The following MIGA1 variants were observed in gnomAD, a reference collection of about 807,000 sequenced individuals.
The protein encoded by MIGA1 is family with sequence similarity 73, member A.
Under a neutral mutation model 82.0 loss-of-function variants are expected in MIGA1, and 58 were observed. The observed-to-expected ratio is 0.71, with a 90% CI of 0.57 to 0.88. The LOEUF (loss-of-function observed/expected upper bound fraction) is 0.88, where lower values mean the gene tolerates loss of function less well. Ranked by LOEUF, MIGA1 falls within the 40% of genes least tolerant of loss-of-function variation. The pLI is 0.00. For synonymous variants in MIGA1, 249 were observed against 253.6 expected (o/e 0.98, Z 0.17); for missense variants, 751 against 749.1 (o/e 1.00, Z -0.03).
rs759657713 is a variant in MIGA1 at position 77,783,251 on chromosome 1, C to T, written c.95C>T (p.Ala32Val). 27 of 1,586,078 alleles carry T rather than the reference C, an allele frequency of 1.7e-5. No homozygotes were observed. In the African/African-American group the frequency reaches 2.5e-4, roughly 15 times the overall value. Residue 32 changes from alanine to valine, a missense_variant, in exon 2 of 16, where the codon GCC (alanine) becomes GTC (valine). Physicochemically the swap from Ala to Val is moderately conservative, Grantham distance 64. Transcript: ENST00000370791. ...CATTTAATGAAGATTAGAAGAGGAG[C>T]CATGTCAGAAGAAACAGTAAGTGAA...
chr1:77,836,577 C>T (rs1469443650), intron 7 of MIGA1, among the ~76,000 whole-genome samples: 8 of 152,142 alleles, frequency 5.3e-5, no homozygotes, highest in African/African-American at 1.2e-4. Context: ...TTTATACTCA[C>T]GATGGACCAA....
chr1:77,803,422 A>T lies in MIGA1; in HGVS notation c.510+16A>T. On this transcript the variant is annotated intron_variant, in intron 4 of 15. Transcript: ENST00000370791. The stretch of plus-strand genomic sequence containing the variant: ...TTTGGCCTCTGTAAGTACAGAAAAA[A>T]TATTAATTTTTAAAATTTTTGTTTA... The T allele has an allele frequency of 6.5e-6, 9 of 1,380,124 alleles. No homozygotes were observed. Among genetic ancestry groups the T allele is most frequent in the Non-Finnish European group, 8.6e-6 (9 of 1,043,842 alleles). The allele number at this position is 1,380,124 out of a possible 1,614,324, so 85.5% of individuals were successfully genotyped here.
chr1:77,849,527 G>A (rs868867277), intron 8 of MIGA1, among the ~76,000 whole-genome samples: 3 of 151,966 alleles, frequency 2.0e-5, no homozygotes, highest in East Asian at 1.9e-4. Flanking sequence ...TACACTTTAC[G>A]TTCTGAAATT....
chr1:77,837,016 G>C lies in MIGA1; in HGVS notation c.896-6291G>C, dbSNP rs966753609. Among the ~76,000 whole-genome samples, 4 of 152,124 alleles carry C rather than the reference G, an allele frequency of 2.6e-5. No individual in the cohort carries two copies. The South Asian group carries it at 8.3e-4, about 32-fold the overall frequency. The stretch of plus-strand genomic sequence containing the variant: ...TCTGTGAAAGCACTTAGTATTACTT[G>C]GACACGTAATAGTGACTCAAAAACT... On this transcript the variant is annotated intron_variant, in intron 7 of 15. Coordinates refer to ENST00000370791, the MANE Select transcript of MIGA1 (RefSeq NM_198549.4).
chr1:77,840,811 A>T (rs1684601869), intron 7 of MIGA1, among the ~76,000 whole-genome samples: 1 of 151,936 alleles, frequency 6.6e-6, no homozygotes, highest in Non-Finnish European at 1.5e-5. Flanking sequence ...ATTCTGTCTC[A>T]AAATAAATAA....
chr1:77,875,992 G>C lies in MIGA1; in HGVS notation c.*928G>C, dbSNP rs1325200250. ...TACTAAAAATACAAAAATTAGCCAG[G>C]TGTGGTGGCGGGCGCCTGTAGTCCC... On this transcript the variant is annotated 3_prime_UTR_variant, in exon 16 of 16. Coordinates refer to ENST00000370791, the MANE Select transcript of MIGA1 (RefSeq NM_198549.4). 1 of 152,272 alleles carries C rather than the reference G, an allele frequency of 6.6e-6. No individual in the cohort carries two copies. Among genetic ancestry groups the C allele is most frequent in the Non-Finnish European group, 1.5e-5 (1 of 68,206 alleles). 9.4% of individuals were successfully genotyped at this position (152,272 alleles called of 1,614,324 possible).
chr1:77,848,063 G>A (rs1243619183), intron 8 of MIGA1: 2 of 1,287,542 alleles, frequency 1.6e-6, no homozygotes, highest in Non-Finnish European at 2.3e-6. Context: ...CACGAACATC[G>A]AGAGGACACG....
intron 8 of MIGA1, chr1:77,848,190 A>G (rs1361949566): frequency 2.1e-6 from 3 of 1,442,088 alleles, no homozygotes; most frequent in East Asian, 2.3e-5. Flanking sequence ...AGTCATAGAG[A>G]TTCCCATTGG....
intron 7 of MIGA1, 70 bp downstream of exon 7, chr1:77,815,301 A>G (rs570830733): frequency 7.8e-6 from 10 of 1,286,078 alleles, no homozygotes; most frequent in South Asian, 7.7e-5. Flanking sequence ...AATCATCTGC[A>G]TAAGTGTCTG....
At chr1:77,793,639 T>G (rs993455622) in intron 2 of MIGA1, among the ~76,000 whole-genome samples, 7 of 151,026 alleles carry the variant, frequency 4.6e-5, no homozygotes, top group African/African-American at 1.7e-4. Context: ...TTTTTTTTTT[T>G]TTGTATTTTT....
chr1:77,782,295 A>G (rs562738636), intron 1 of MIGA1, among the ~76,000 whole-genome samples: 3 of 152,306 alleles, frequency 2.0e-5, no homozygotes, highest in Non-Finnish European at 4.4e-5. Flanking sequence ...GATAATGCTT[A>G]GGCGTTTTCT....
In MIGA1 at chr1:77,779,810, G is replaced by C. The variant is rs372551785; in HGVS notation, c.81+74G>C. 529 of 1,484,144 alleles carry C rather than the reference G, an allele frequency of 3.6e-4. 2 individuals carry two copies. The African/African-American group carries it at 6.5e-3, about 18-fold the overall frequency. The allele number at this position is 1,484,144 out of a possible 1,614,324, so 91.9% of individuals were successfully genotyped here. A position where few individuals can be genotyped will look rare whatever the true frequency, so the allele number is the denominator to read the frequency against. ...GGAGAGTTGAGCGGCCACGCAGTTG[G>C]GGCAGAGGCCTCGGGGCAGGGGTGG... On this transcript the variant is annotated intron_variant, in intron 1 of 15. Transcript: ENST00000370791.
chr1:77,782,852 G>A (rs950140338), intron 1 of MIGA1: 18 of 984,418 alleles, frequency 1.8e-5, no homozygotes, highest in Non-Finnish European at 2.0e-5. Context: ...TCTCACCCCC[G>A]CAGTTATATG....
chr1:77,784,766 C>T (rs7525039), intron 2 of MIGA1, among the ~76,000 whole-genome samples: 5,739 of 152,184 alleles, frequency 0.038, 177 homozygotes, highest in East Asian at 0.15. Context: ...AAAAGAAAGA[C>T]GTTTATTGGA....
chr1:77,790,796 C>T (rs1682384102), intron 2 of MIGA1, among the ~76,000 whole-genome samples: 1 of 151,406 alleles, frequency 6.6e-6, no homozygotes, highest in Admixed American at 6.6e-5. Context: ...CCATGTTGGC[C>T]AGGTTCGTCC....
chr1:77,844,109 A>T (rs1457566224), intron 8 of MIGA1, among the ~76,000 whole-genome samples: 2 of 51,960 alleles, frequency 3.8e-5, no homozygotes, highest in African/African-American at 1.4e-4. Flanking sequence ...TTAAAAAAAA[A>T]AAAAATATAT....
At chr1:77,812,689 G>A (rs1683387935) in intron 5 of MIGA1, among the ~76,000 whole-genome samples, 1 of 151,854 alleles carries the variant, frequency 6.6e-6, no homozygotes, top group Non-Finnish European at 1.5e-5. Flanking sequence ...TTTTTGTTTT[G>A]TTTGAAGTGC....
chr1:77,819,020 C>T lies in MIGA1; in HGVS notation c.895+3789C>T, dbSNP rs566733473. On this transcript the variant is annotated intron_variant, in intron 7 of 15. Coordinates refer to ENST00000370791, the MANE Select transcript of MIGA1 (RefSeq NM_198549.4). ...GCTTGAACCCAGGAGACGGAGGTTG[C>T]GGTGAGCTGAGATGGTGTCACTGCA... Among the ~76,000 whole-genome samples the T allele has an allele frequency of 7.6e-5, 11 of 144,322 alleles. No homozygotes were observed. In the South Asian group the frequency reaches 1.6e-3, roughly 21 times the overall value. The allele number at this position is 144,322 out of a possible 152,430, so 94.7% of individuals were successfully genotyped here. A position where few individuals can be genotyped will look rare whatever the true frequency, so the allele number is the denominator to read the frequency against.
intron 5 of MIGA1, among the ~76,000 whole-genome samples, chr1:77,807,835 T>A (rs1047935151): frequency 1.3e-5 from 2 of 152,140 alleles, no homozygotes; most frequent in Non-Finnish European, 2.9e-5. Flanking sequence ...TCTCTCTTTT[T>A]TTTGAGACAG....
Sources: allele counts gnomAD v4.1 joint callset (sites outside exome capture counted in the v4.1 genomes callset), GRCh38; gene constraint gnomAD v4.1.1; transcripts MANE v1.5; gene names NCBI Gene and HGNC (gene_info 2026-07-23, HGNC 2026-07-21).